The following PDE8B variants were observed in gnomAD, a reference collection of about 807,000 sequenced individuals.
PDE8B encodes the protein phosphodiesterase 8B, also known as high affinity cAMP-specific and IBMX-insensitive 3',5'-cyclic phosphodiesterase 8B.
Under a neutral mutation model 101.3 loss-of-function variants are expected in PDE8B, and 26 were observed. That is an observed-to-expected ratio of 0.26 (90% confidence interval 0.19 to 0.36). The LOEUF (loss-of-function observed/expected upper bound fraction) is 0.36, where lower values mean the gene tolerates loss of function less well. Ranked by LOEUF, PDE8B falls within the 10% of genes least tolerant of loss-of-function variation. The probability of loss-of-function intolerance (pLI) is 1.00; values close to 1 mark genes in which losing one functional copy is unlikely to be tolerated. For missense variants in PDE8B, 810 were observed against 1,163.1 expected, an observed-to-expected ratio of 0.70 and a Z score of 4.42; for synonymous variants, 424 against 429.3, an observed-to-expected ratio of 0.99 and a Z score of 0.15.
chr5:77,113,945 A>T, the PDE8B span: 1 of 152,268 alleles, frequency 6.6e-6, no homozygotes, highest in Non-Finnish European at 1.5e-5. Flanking sequence ...GATAAATGCA[A>T]ATCAAAACCA....
chr5:77,294,092 TG>T (rs1408751139), intron 1 of PDE8B, among the ~76,000 whole-genome samples: 2 of 152,222 alleles, frequency 1.3e-5, no homozygotes, highest in Non-Finnish European at 2.9e-5. Context: ...GATCCTGCTC[TG>T]TAGTATAATT....
intron 7 of PDE8B, 63 bp from the exon 8 acceptor site, chr5:77,349,356 C>A: frequency 1.2e-6 from 2 of 1,602,046 alleles, no homozygotes; most frequent in Non-Finnish European, 1.7e-6. Flanking sequence ...ACGGGGCACA[C>A]AGACATTTCA....
Position 77,306,374 on chromosome 5 carries a change from G to A in PDE8B, c.340-5620G>A, listed in dbSNP as rs186412271. ...TCTTGTAGATGCTGGGGATAAAATT[G>A]TGAAAAAGACAGAGACTATGTCCTC... On this transcript the variant is annotated intron_variant, in intron 1 of 21. Transcript: ENST00000264917. Among the ~76,000 whole-genome samples, 18 of 152,290 alleles carry A rather than the reference G, an allele frequency of 1.2e-4. No individual in the cohort carries two copies. The East Asian group carries it at 3.5e-3, about 29-fold the overall frequency.
the PDE8B span, among the ~76,000 whole-genome samples, chr5:77,197,420 C>A: frequency 6.6e-6 from 1 of 151,840 alleles, no homozygotes; most frequent in African/African-American, 2.4e-5. Flanking sequence ...TCTTGCCCAG[C>A]TTTTTTGTTT....
At chr5:77,248,440 G>GTTTTTT (rs56054494) in intron 1 of PDE8B, among the ~76,000 whole-genome samples, 1 of 151,386 alleles carries the variant, frequency 6.6e-6, no homozygotes, top group Non-Finnish European at 1.5e-5. Context: ...AATTAAATTA[G>GTTTTTT]TTTTTGTTGT....
At chr5:77,207,829 G>A (rs1439115142), upstream of PDE8B, among the ~76,000 whole-genome samples, 1 of 152,212 alleles carries the variant, frequency 6.6e-6, no homozygotes, top group East Asian at 1.9e-4. Flanking sequence ...ACTTGGTGGA[G>A]ATTATAAGGA....
At chr5:77,422,341 A>G (rs1796839233) in intron 20 of PDE8B, among the ~76,000 whole-genome samples, 1 of 152,210 alleles carries the variant, frequency 6.6e-6, no homozygotes, top group Admixed American at 6.5e-5. Context: ...GAACACAGGC[A>G]TTAGTGAAGA....
intron 1 of PDE8B, among the ~76,000 whole-genome samples, chr5:77,299,386 A>G (rs898725668): frequency 2.0e-5 from 3 of 150,824 alleles, no homozygotes; most frequent in African/African-American, 7.3e-5. Flanking sequence ...CTCGTCATTT[A>G]GCATTAGGTA....
At chr5:77,197,328 G>A in the PDE8B span, among the ~76,000 whole-genome samples, 264 of 151,770 alleles carry the variant, frequency 1.7e-3, no homozygotes, top group Non-Finnish European at 3.2e-3. Context: ...TGTTGGACAG[G>A]CTGGTCTTGA....
chr5:77,331,681 A>G (rs1777162883), intron 5 of PDE8B, among the ~76,000 whole-genome samples: 1 of 152,220 alleles, frequency 6.6e-6, no homozygotes, highest in South Asian at 2.1e-4. Context: ...TATCTTAGCA[A>G]TAGATATACA....
In PDE8B at chr5:77,418,585, T is replaced by G. The variant is rs139880739; in HGVS notation, c.2129+139T>G. 1.3e-5 allele frequency: 9 copies of G among 715,946 alleles called. 1 individual carries two copies. The African/African-American group carries it at 1.6e-4, about 13-fold the overall frequency. The allele number at this position is 715,946 out of a possible 1,614,324, so 44.3% of individuals were successfully genotyped here. The stretch of plus-strand genomic sequence containing the variant: ...TGATAAAATAACCTTGCCCTTAACT[T>G]AATTTGACTTTTCAGACTGCCTTTA... On this transcript the variant is annotated intron_variant, in intron 18 of 21. Transcript: ENST00000264917.
the PDE8B span, among the ~76,000 whole-genome samples, chr5:77,201,536 C>T: frequency 6.6e-6 from 1 of 152,114 alleles, no homozygotes. Context: ...GATTCTGGGT[C>T]CCAGAAAGTG....
the PDE8B span, among the ~76,000 whole-genome samples, chr5:77,103,058 G>A: frequency 4.6e-5 from 7 of 152,276 alleles, no homozygotes; most frequent in Non-Finnish European, 8.8e-5. Flanking sequence ...TGGCCCCACC[G>A]CCATCTTGCT....
the PDE8B span, among the ~76,000 whole-genome samples, chr5:77,135,442 G>C: frequency 2.0e-5 from 3 of 150,204 alleles, no homozygotes; most frequent in African/African-American, 7.4e-5. Flanking sequence ...GACCCTTTCA[G>C]TTGAGGGACT....
intron 10 of PDE8B, among the ~76,000 whole-genome samples, chr5:77,357,045 G>A (rs1392050925): frequency 6.6e-6 from 1 of 152,166 alleles, no homozygotes; most frequent in Non-Finnish European, 1.5e-5. Context: ...ATTCTGATGG[G>A]TGCTTAAGCA....
chr5:77,237,010 A>G (rs1754827043), intron 1 of PDE8B, among the ~76,000 whole-genome samples: 1 of 152,116 alleles, frequency 6.6e-6, no homozygotes, highest in Non-Finnish European at 1.5e-5. Context: ...TGGTGAATTG[A>G]CTTTTTTATG....
intron 1 of PDE8B, among the ~76,000 whole-genome samples, chr5:77,254,891 G>T (rs1294558049): frequency 6.6e-6 from 1 of 152,162 alleles, no homozygotes; most frequent in African/African-American, 2.4e-5. Flanking sequence ...GAGTACGGTT[G>T]TTTTAAATAA....
intron 10 of PDE8B, among the ~76,000 whole-genome samples, chr5:77,382,054 C>T (rs1787585286): frequency 6.6e-6 from 1 of 152,080 alleles, no homozygotes. Context: ...TTCAGACTTC[C>T]AATTTTCAGC....
chr5:77,336,018 A>G (rs1778118572), intron 5 of PDE8B, among the ~76,000 whole-genome samples: 1 of 152,330 alleles, frequency 6.6e-6, no homozygotes, highest in East Asian at 1.9e-4. Flanking sequence ...TTTGGGATTA[A>G]GTGAAAAAGG....
Sources: allele counts gnomAD v4.1 joint callset (sites outside exome capture counted in the v4.1 genomes callset), GRCh38; gene constraint gnomAD v4.1.1; transcripts MANE v1.5; gene names NCBI Gene and HGNC (gene_info 2026-07-23, HGNC 2026-07-21).